Variants in ZNF420 observed in about 807,000 individuals in gnomAD.
ZNF420 encodes the protein zinc finger protein 420, also known as ATM and p53-associated KZNF protein.
ZNF420 carries 31 observed loss-of-function variants against 44.7 expected under a neutral mutation model. The observed-to-expected ratio is 0.69, with a 90% confidence interval of 0.52 to 0.94. ZNF420 has a LOEUF of 0.94. Among genes scored for constraint, ZNF420 ranks in the 40% least tolerant of loss-of-function variants. The pLI, the probability that ZNF420 is intolerant of heterozygous loss-of-function variation, is 0.00. For synonymous variants in ZNF420, 245 were observed against 267.4 expected, an observed-to-expected ratio of 0.92 and a Z score of 0.82; for missense variants, 681 against 827.9, an observed-to-expected ratio of 0.82 and a Z score of 2.18.
At chr19:37,084,559 C>T (rs918699609) in intron 2 of ZNF420, among the ~76,000 whole-genome samples, 3 of 152,060 alleles carry the variant, frequency 2.0e-5, no homozygotes, top group African/African-American at 7.2e-5. Flanking sequence ...GAACAGACTG[C>T]TGTCTCCTTT....
chr19:37,084,084 C>A (rs1719315434), intron 2 of ZNF420, among the ~76,000 whole-genome samples: 1 of 152,020 alleles, frequency 6.6e-6, no homozygotes, highest in Admixed American at 6.6e-5. Context: ...AGGTTATATA[C>A]ATATATTACT....
intron 1 of ZNF420, among the ~76,000 whole-genome samples, chr19:37,034,574 T>A (rs1230762475): frequency 6.6e-6 from 1 of 152,228 alleles, no homozygotes; most frequent in Non-Finnish European, 1.5e-5. Context: ...TATAAATATA[T>A]CATGTCTCTC....
In ZNF420 at chr19:37,129,720, A is replaced by AAC. The variant is rs1555773589; in HGVS notation, c.*662_*663insAC. ...AATTCATACTGTTAAAAAAAAAAAAACCCAGTGGATATAATCAGTGTATTA... is the reference window on the plus strand; with the variant it reads ...AATTCATACTGTTAAAAAAAAAAAAAACCCCAGTGGATATAATCAGTGTATTA... On this transcript the variant is annotated 3_prime_UTR_variant, in exon 5 of 5. Coordinates refer to ENST00000337995, the MANE Select transcript of ZNF420 (RefSeq NM_144689.5). 1 of 152,602 alleles carries AAC rather than the reference A, an allele frequency of 6.6e-6. No homozygotes were observed. 9.5% of individuals were successfully genotyped at this position (152,602 alleles called of 1,614,324 possible). A position where few individuals can be genotyped will look rare whatever the true frequency, so the allele number is the denominator to read the frequency against.
intron 1 of ZNF420, among the ~76,000 whole-genome samples, chr19:37,021,556 C>T (rs563127371): frequency 3.3e-5 from 5 of 152,250 alleles, no homozygotes; most frequent in Admixed American, 6.5e-5. Flanking sequence ...CATGAACCAC[C>T]ACACTGGGCC....
At chr19:37,077,971 C>CTCTCA (rs112486481), upstream of ZNF420, 2,668 of 153,176 alleles carry the variant, frequency 0.017, 40 homozygotes, top group Middle Eastern at 0.054. Flanking sequence ...CACGGAAAGA[C>CTCTCA]TCTCAGTCCA....
chr19:37,116,388 AAAG>A, intron 4 of ZNF420, among the ~76,000 whole-genome samples: 1 of 148,420 alleles, frequency 6.7e-6, no homozygotes, highest in Admixed American at 6.7e-5. Context: ...AAAAAAAAAA[AAAG>A]AATGCACCAT....
At chr19:37,109,630 A>C (rs1970277595) in intron 4 of ZNF420, 2 of 152,154 alleles carry the variant, frequency 1.3e-5, no homozygotes, top group African/African-American at 2.4e-5. Flanking sequence ...TTTTCTTTGC[A>C]TCTCCGACAG....
intron 1 of ZNF420, among the ~76,000 whole-genome samples, chr19:37,047,179 A>G (rs1405492249): frequency 6.6e-6 from 1 of 152,244 alleles, no homozygotes; most frequent in Non-Finnish European, 1.5e-5. Flanking sequence ...TTTTTAAGAA[A>G]TTGAATATAG....
chr19:37,121,298 C>A (rs536770366), intron 4 of ZNF420, among the ~76,000 whole-genome samples: 2,043 of 147,066 alleles, frequency 0.014, 16 homozygotes, highest in African/African-American at 0.026. Context: ...TGGAACAGAA[C>A]AGAGCCCTCA....
intron 1 of ZNF420, among the ~76,000 whole-genome samples, chr19:37,020,748 A>T (rs2074642507): frequency 6.6e-6 from 1 of 152,248 alleles, no homozygotes; most frequent in Non-Finnish European, 1.5e-5. Flanking sequence ...ATGCTGCAAC[A>T]TGGATGTTAA....
intron 1 of ZNF420, among the ~76,000 whole-genome samples, chr19:37,050,289 CTAT>C (rs1196006149): frequency 6.6e-6 from 1 of 152,122 alleles, no homozygotes; most frequent in East Asian, 1.9e-4. Flanking sequence ...GGCATTGAAT[CTAT>C]AAATTACCTT....
intron 1 of ZNF420, among the ~76,000 whole-genome samples, chr19:37,009,477 C>A (rs978029767): frequency 3.3e-5 from 5 of 152,152 alleles, no homozygotes; most frequent in Admixed American, 3.3e-4. Flanking sequence ...CCCCATATGG[C>A]CTCGGTGACA....
chr19:37,025,383 T>G (rs1299405378), intron 1 of ZNF420: 1 of 164,956 alleles, frequency 6.1e-6, no homozygotes, highest in African/African-American at 2.4e-5. Context: ...TTTTTTTAAG[T>G]AAGATTGATG....
At chr19:37,091,180 T>C in intron 4 of ZNF420, 59 bp downstream of exon 4, 1 of 1,444,400 alleles carries the variant, frequency 6.9e-7, no homozygotes, top group Non-Finnish European at 9.2e-7. Flanking sequence ...CTTTCTCTGC[T>C]GTTATTTCAA....
chr19:37,127,553 CTTCATACTGG>C lies in ZNF420; in HGVS notation c.564_573del (p.His189ArgfsTer159), dbSNP rs780622406. ...TTCACAACTCAGTCTTCATCAGAGA[CTTCATACTGG>C]TGAGAAACCCTATGCATGTAAGGAA... On this transcript the variant is annotated frameshift_variant, in exon 5 of 5. Coordinates refer to ENST00000337995, the MANE Select transcript of ZNF420 (RefSeq NM_144689.5). LOFTEE classifies it high-confidence loss of function. 1.2e-6 allele frequency: 2 copies of C among 1,613,798 alleles called. No individual in the cohort carries two copies. The highest frequency in any genetic ancestry group is 1.7e-6 in the Non-Finnish European group (2 of 1,179,848).
rs1971584782 is a variant in ZNF420 at position 37,130,129 on chromosome 19, A to G, written c.*1071A>G. ...TCCTGTCTTTTTTTCCGTGCCTACA[A>G]TGTGGACATCTAAGCTGGAGCTCCG... On this transcript the variant is annotated 3_prime_UTR_variant, in exon 5 of 5. Transcript: ENST00000337995. 6.5e-7 allele frequency: 1 copy of G among 1,550,316 alleles called. No individual in the cohort carries two copies. The highest frequency in any genetic ancestry group is 1.4e-5 in the African/African-American group (1 of 73,008).
intron 1 of ZNF420, among the ~76,000 whole-genome samples, chr19:37,050,390 A>G (rs1318664590): frequency 1.3e-5 from 2 of 151,880 alleles, no homozygotes; most frequent in Non-Finnish European, 1.5e-5. Context: ...CTTTTATTTC[A>G]TTGAGCAGTG....
intron 1 of ZNF420, among the ~76,000 whole-genome samples, chr19:37,041,372 A>G (rs1967450302): frequency 6.6e-6 from 1 of 152,088 alleles, no homozygotes; most frequent in South Asian, 2.1e-4. Context: ...TTTTGCTTTA[A>G]TCTTTCTGCT....
At chr19:37,021,665 G>A (rs1415669198) in intron 1 of ZNF420, among the ~76,000 whole-genome samples, 1 of 152,062 alleles carries the variant, frequency 6.6e-6, no homozygotes, top group East Asian at 1.9e-4. Flanking sequence ...TAGGCCAGGA[G>A]CAGTGGCTCA....
Sources: gnomAD v4.1 joint callset for allele counts (sites outside exome capture counted in the v4.1 genomes callset) on GRCh38, gnomAD v4.1.1 for gene constraint, MANE v1.5 for transcripts, NCBI Gene and HGNC (gene_info 2026-07-23, HGNC 2026-07-21) for gene names.